Variants in ADAMTS6 observed in about 807,000 individuals in gnomAD.
The protein encoded by ADAMTS6 is A disintegrin and metalloproteinase with thrombospondin motifs 6.
Under a neutral mutation model 144.3 loss-of-function variants are expected in ADAMTS6, and 23 were observed. The observed-to-expected ratio is 0.16, with a 90% CI of 0.11 to 0.23. The LOEUF (loss-of-function observed/expected upper bound fraction) is 0.23. Ranked by LOEUF, ADAMTS6 falls within the 10% of genes least tolerant of loss-of-function variation. The pLI, the probability that ADAMTS6 is intolerant of heterozygous loss-of-function variation, is 1.00. For synonymous variants in ADAMTS6, 444 were observed against 457.5 expected (o/e 0.97, Z 0.38); for missense variants, 999 against 1,379.6 (o/e 0.72, Z 4.37).
chr5:65,226,589 A>G (rs1757744243), intron 15 of ADAMTS6, among the ~76,000 whole-genome samples: 1 of 152,002 alleles, frequency 6.6e-6, no homozygotes, highest in Non-Finnish European at 1.5e-5. Context: ...ATGAAAGAAA[A>G]ACAATTTTTT....
At chr5:65,398,844 GAAAGAAAAAGAAA>G (rs1753664154) in intron 7 of ADAMTS6, among the ~76,000 whole-genome samples, 1 of 133,094 alleles carries the variant, frequency 7.5e-6, no homozygotes, top group African/African-American at 3.0e-5. Flanking sequence ...AAGAAAGAAA[GAAAGAAAAAGAAA>G]GAGAAAGAAA....
rs552381843 is a variant in ADAMTS6, at chr5:65,181,336, G to A, written c.2910+6680C>T. Among the ~76,000 whole-genome samples the A allele has an allele frequency of 3.9e-5, 6 of 151,916 alleles. No individual in the cohort carries two copies. In the South Asian group the frequency reaches 1.0e-3, roughly 26 times the overall value. On this transcript the variant is annotated intron_variant, in intron 22 of 24. Coordinates refer to ENST00000381055, the MANE Select transcript of ADAMTS6 (RefSeq NM_197941.4). The stretch of plus-strand genomic sequence containing the variant: ...TGTTCCACTTGTTTTAATCCTCTTC[G>A]CTTCATGCCAAGTCTCCTCCACTGT...
rs532562678 is a variant in ADAMTS6 at position 65,343,797 on chromosome 5, T to A, written c.1074-9712A>T. ...GGAGAAAATATTTGCAAACTGCTCA[T>A]CTGACAGGAGATTAACATCATACCT... is the stretch of plus-strand genomic sequence containing the variant. On this transcript the variant is annotated intron_variant, in intron 7 of 24. Transcript: ENST00000381055. Among the ~76,000 whole-genome samples, 10 of 152,190 alleles carry A rather than the reference T, an allele frequency of 6.6e-5. No individual in the cohort carries two copies. The East Asian group carries it at 1.9e-3, about 29-fold the overall frequency.
At chr5:65,216,217 A>G (rs763444617) in intron 18 of ADAMTS6, among the ~76,000 whole-genome samples, 2 of 152,178 alleles carry the variant, frequency 1.3e-5, no homozygotes, top group Non-Finnish European at 2.9e-5. Flanking sequence ...AAATAAACAA[A>G]TTGTGGTATT....
chr5:65,192,580 C>T (rs1212025896), intron 21 of ADAMTS6, among the ~76,000 whole-genome samples: 3 of 151,722 alleles, frequency 2.0e-5, no homozygotes, highest in Non-Finnish European at 4.4e-5. Context: ...TCTTTGGATT[C>T]CAACTTATTT....
At chr5:65,479,294 T>C (rs1423682530) in intron 1 of ADAMTS6, among the ~76,000 whole-genome samples, 1 of 152,190 alleles carries the variant, frequency 6.6e-6, no homozygotes. Context: ...GGTTTCTAGA[T>C]CATTTATAAA....
intron 11 of ADAMTS6, among the ~76,000 whole-genome samples, chr5:65,287,921 C>T (rs1307217582): frequency 6.6e-6 from 1 of 152,188 alleles, no homozygotes; most frequent in Admixed American, 6.5e-5. Flanking sequence ...TTATAGAATA[C>T]TGCATTATAC....
rs1242984907 is a variant in ADAMTS6, at chr5:65,150,719, C to T, written c.*1117G>A. ...GCCCGCAAACACACACACACATTTG[C>T]TCTCATATAAATAAATGCCCTTCTA... On this transcript the variant is annotated 3_prime_UTR_variant, in exon 25 of 25. Transcript: ENST00000381055. 1 of 152,588 alleles carries T rather than the reference C, an allele frequency of 6.6e-6. No homozygotes were observed. Among genetic ancestry groups the T allele is most frequent in the Non-Finnish European group, 1.5e-5 (1 of 68,036 alleles). 9.5% of individuals were successfully genotyped at this position (152,588 alleles called of 1,614,324 possible).
chr5:65,418,843 A>G (rs1309013977), intron 7 of ADAMTS6, among the ~76,000 whole-genome samples: 4 of 152,322 alleles, frequency 2.6e-5, no homozygotes, highest in Middle Eastern at 3.4e-3. Context: ...CAAAACCACA[A>G]TGAAATACCA....
At chr5:65,402,445 A>G (rs1300616573) in intron 7 of ADAMTS6, among the ~76,000 whole-genome samples, 1 of 152,170 alleles carries the variant, frequency 6.6e-6, no homozygotes, top group Non-Finnish European at 1.5e-5. Context: ...ACATTTCACT[A>G]GGGACTTTCT....
intron 3 of ADAMTS6, among the ~76,000 whole-genome samples, chr5:65,469,796 A>G (rs1328312600): frequency 2.0e-5 from 3 of 152,252 alleles, no homozygotes; most frequent in Non-Finnish European, 2.9e-5. Flanking sequence ...TAGTTATTTT[A>G]TATTGAAACA....
chr5:65,307,450 C>G (rs754080047), intron 9 of ADAMTS6, among the ~76,000 whole-genome samples: 15 of 152,160 alleles, frequency 9.9e-5, no homozygotes, highest in South Asian at 2.1e-4. Flanking sequence ...AGGAGACTCA[C>G]GAGGTTAAAA....
Position 65,150,401 on chromosome 5 carries a change from T to C in ADAMTS6, c.*1435A>G, listed in dbSNP as rs892651206. 6.6e-6 allele frequency: 1 copy of C among 152,650 alleles called. No individual in the cohort carries two copies. 9.5% of individuals were successfully genotyped at this position (152,650 alleles called of 1,614,324 possible). On this transcript the variant is annotated 3_prime_UTR_variant, in exon 25 of 25. Transcript: ENST00000381055. ...TAAGTCTTGCTGTCGAGTCTTTTGA[T>C]GACCAGGATGTGAAACTTGAAGATG...
intron 9 of ADAMTS6, among the ~76,000 whole-genome samples, chr5:65,316,616 T>C (rs1745024443): frequency 6.6e-6 from 1 of 152,190 alleles, no homozygotes; most frequent in South Asian, 2.1e-4. Flanking sequence ...AATATAAAGA[T>C]GTATGAAAGT....
intron 1 of ADAMTS6, among the ~76,000 whole-genome samples, chr5:65,474,356 C>T (rs1760689410): frequency 6.6e-6 from 1 of 152,010 alleles, no homozygotes; most frequent in African/African-American, 2.4e-5. Flanking sequence ...CACTCATATC[C>T]AGATATTGTT....
chr5:65,207,962 C>T (rs1240515166), intron 20 of ADAMTS6, among the ~76,000 whole-genome samples: 1 of 152,184 alleles, frequency 6.6e-6, no homozygotes, highest in African/African-American at 2.4e-5. Flanking sequence ...ATAAATGATC[C>T]ACCAAGTGAA....
At chr5:65,357,595 A>C (rs1749438934) in intron 7 of ADAMTS6, among the ~76,000 whole-genome samples, 1 of 151,660 alleles carries the variant, frequency 6.6e-6, no homozygotes, top group Non-Finnish European at 1.5e-5. Flanking sequence ...CAAATTGAAT[A>C]AATCGTTAGC....
intron 15 of ADAMTS6, among the ~76,000 whole-genome samples, chr5:65,232,651 T>C (rs868602642): frequency 2.2e-5 from 3 of 133,912 alleles, no homozygotes; most frequent in Admixed American, 7.3e-5. Flanking sequence ...CATGAACAAA[T>C]AGAAAATCTG....
At chr5:65,462,513 C>T (rs1759701740) in intron 3 of ADAMTS6, among the ~76,000 whole-genome samples, 1 of 152,166 alleles carries the variant, frequency 6.6e-6, no homozygotes. Context: ...AGCTCTTTGA[C>T]GTACCACTAA....
Sources: gnomAD v4.1 joint callset for allele counts (sites outside exome capture counted in the v4.1 genomes callset) on GRCh38, gnomAD v4.1.1 for gene constraint, MANE v1.5 for transcripts, NCBI Gene and HGNC (gene_info 2026-07-23, HGNC 2026-07-21) for gene names.